Variants in GPR4 observed in about 807,000 individuals in gnomAD.
GPR4 encodes the protein G protein-coupled receptor 4.
Under a neutral mutation model 17.8 loss-of-function variants are expected in GPR4, and 11 were observed. The ratio of observed to expected loss-of-function variants is 0.62; its 90% CI spans 0.39 to 1.02. The LOEUF (loss-of-function observed/expected upper bound fraction) is 1.02. Ranked by LOEUF, GPR4 falls within the 50% of genes least tolerant of loss-of-function variation. The pLI is 0.00. For missense variants in GPR4, 364 were observed against 495.4 expected (o/e 0.73, Z 2.52); for synonymous variants, 219 against 222.8 (o/e 0.98, Z 0.15).
intron 1 of GPR4, among the ~76,000 whole-genome samples, chr19:45,597,914 C>T (rs1970074388): frequency 6.6e-6 from 1 of 152,160 alleles, no homozygotes; most frequent in South Asian, 2.1e-4. Flanking sequence ...GCAGAGCTGC[C>T]TCCCCCACCC....
chr19:45,591,970 T>G lies in GPR4; in HGVS notation c.-104A>C. On this transcript the variant is annotated 5_prime_UTR_variant, in exon 2 of 2. The change abolishes the stop of an existing upstream ORF in the 5' untranslated region. Transcript: ENST00000323040. This position sits in a 1 kb window ranked among gnomAD's most constrained non-coding sequence, Gnocchi z 7.6. Reference sequence around the variant, plus strand: ...CCCCCTGAGCCCCTTCCTTGGAGGCTCAGGGGAACATGGTGGGATGTGGTC... The same window carrying G: ...CCCCCTGAGCCCCTTCCTTGGAGGCGCAGGGGAACATGGTGGGATGTGGTC... 7.9e-7 allele frequency: 1 copy of G among 1,262,480 alleles called. No homozygotes were observed. Among genetic ancestry groups the G allele is most frequent in the Non-Finnish European group, 1.1e-6 (1 of 920,156 alleles). The allele number at this position is 1,262,480 out of a possible 1,614,324, so 78.2% of individuals were successfully genotyped here.
rs117119262 is a variant in GPR4 at position 45,601,228 on chromosome 19, C to T, written c.-832+867G>A. 7.5e-3 allele frequency among the ~76,000 whole-genome samples: 1,140 copies of T among 152,276 alleles called. 6 individuals carry two copies. Among genetic ancestry groups the T allele is most frequent in the Admixed American group, 0.011 (167 of 15,292 alleles). ...TACGCACACACACACATCCCACAAC[C>T]GATGCCTCACAGATATCCTAGAGCT... is the stretch of plus-strand genomic sequence containing the variant. On this transcript the variant is annotated intron_variant, in intron 1 of 1. Coordinates refer to ENST00000323040, the MANE Select transcript of GPR4 (RefSeq NM_005282.3).
intron 1 of GPR4, among the ~76,000 whole-genome samples, chr19:45,593,966 A>T (rs1600020731): frequency 7.0e-6 from 1 of 143,342 alleles, no homozygotes. Context: ...AGCAGCCTCA[A>T]CCTCCTGGGC....
In GPR4 at chr19:45,593,624, T is replaced by A. The variant is rs1970021917; in HGVS notation, c.-831-927A>T. Among the ~76,000 whole-genome samples, 4 of 151,728 alleles carry A rather than the reference T, an allele frequency of 2.6e-5. No homozygotes were observed. The South Asian group carries it at 8.3e-4, about 32-fold the overall frequency. ...AGAATTCCTGTAAAACTGGCACAGG[T>A]ATCATATCATGCTTCAGGAAATGCC... is the stretch of plus-strand genomic sequence containing the variant. On this transcript the variant is annotated intron_variant, in intron 1 of 1. Transcript: ENST00000323040.
chr19:45,601,175 A>G (rs1294583751), intron 1 of GPR4, among the ~76,000 whole-genome samples: 1 of 152,146 alleles, frequency 6.6e-6, no homozygotes, highest in Non-Finnish European at 1.5e-5. Context: ...TGCGCCAAAC[A>G]AATTCCCCAA....
At chr19:45,595,264 G>A (rs1970045103) in intron 1 of GPR4, among the ~76,000 whole-genome samples, 3 of 149,640 alleles carry the variant, frequency 2.0e-5, no homozygotes, top group South Asian at 2.1e-4. Flanking sequence ...CAACAAGAGC[G>A]AACTCCATCT....
rs1969977389 is a variant in GPR4, at chr19:45,590,460, A to G, written c.*318T>C. 2 of 270,884 alleles carry G rather than the reference A, an allele frequency of 7.4e-6. No homozygotes were observed. The highest frequency in any genetic ancestry group is 6.9e-6 in the Non-Finnish European group (1 of 144,900). The allele number at this position is 270,884 out of a possible 1,614,324, so 16.8% of individuals were successfully genotyped here. On this transcript the variant is annotated 3_prime_UTR_variant, in exon 2 of 2. Coordinates refer to ENST00000323040, the MANE Select transcript of GPR4 (RefSeq NM_005282.3). The stretch of plus-strand genomic sequence containing the variant: ...GGCTGATGTGGGAAGATCGCTGGAG[A>G]GCCCAGGAGGTGGAGGCTGCAGTGA...
intron 1 of GPR4, among the ~76,000 whole-genome samples, chr19:45,596,348 G>A (rs1265128956): frequency 6.6e-6 from 1 of 151,930 alleles, no homozygotes; most frequent in Admixed American, 6.6e-5. Context: ...TGGGATTACA[G>A]GCATGCGTCA....
At chr19:45,595,364 G>T (rs1479066650) in intron 1 of GPR4, among the ~76,000 whole-genome samples, 1 of 151,990 alleles carries the variant, frequency 6.6e-6, no homozygotes, top group Non-Finnish European at 1.5e-5. Flanking sequence ...GTGGGGACTG[G>T]GAACCAAAGC....
rs868033662 is a variant in GPR4, at chr19:45,591,890, C to G, written c.-24G>C. Reference sequence around the variant, plus strand: ...ATGGTGGGCACTTCGGCTTCTGGGGCGCTTCCCCTGGCCCACGGGGGCTGT... The same window carrying G: ...ATGGTGGGCACTTCGGCTTCTGGGGGGCTTCCCCTGGCCCACGGGGGCTGT... On this transcript the variant is annotated 5_prime_UTR_variant, in exon 2 of 2. Transcript: ENST00000323040. This position sits in a 1 kb window ranked among gnomAD's most constrained non-coding sequence, Gnocchi z 7.6. 1.3e-6 allele frequency: 2 copies of G among 1,534,590 alleles called. No individual in the cohort carries two copies. The highest frequency in any genetic ancestry group is 2.5e-5 in the South Asian group (2 of 79,262).
In GPR4 at chr19:45,595,320, A is replaced by T. The variant is rs11673493; in HGVS notation, c.-831-2623T>A. 4.5e-3 allele frequency among the ~76,000 whole-genome samples: 268 copies of T among 59,554 alleles called. 3 individuals are homozygous for T. Among genetic ancestry groups the T allele is most frequent in the Middle Eastern group, 9.6e-3 (1 of 104 alleles). The allele number at this position is 59,554 out of a possible 152,430, so 39.1% of individuals were successfully genotyped here. ...ATAAATAAATAAATAAATAAATAAA[A>T]AATAACTGGACAGAAAAGGGCCCTG... On this transcript the variant is annotated intron_variant, in intron 1 of 1. Coordinates refer to ENST00000323040, the MANE Select transcript of GPR4 (RefSeq NM_005282.3).
intron 1 of GPR4, among the ~76,000 whole-genome samples, chr19:45,600,017 G>A (rs1345767508): frequency 1.3e-5 from 2 of 152,014 alleles, no homozygotes; most frequent in East Asian, 1.9e-4. Context: ...CACTAAATAC[G>A]GTGAGCCCCA....
intron 1 of GPR4, among the ~76,000 whole-genome samples, chr19:45,597,434 G>A (rs557754868): frequency 1.6e-3 from 245 of 152,060 alleles, no homozygotes; most frequent in African/African-American, 5.7e-3. Flanking sequence ...TTCAGTCCCC[G>A]ACTCTCCCCT....
At chr19:45,601,596 C>T (rs537159711) in intron 1 of GPR4, among the ~76,000 whole-genome samples, 1 of 152,134 alleles carries the variant, frequency 6.6e-6, no homozygotes, top group Admixed American at 6.5e-5. Context: ...GAAGACAGAG[C>T]TGAAGGTGCC....
Position 45,591,661 on chromosome 19 carries a change from G to A in GPR4, c.206C>T (p.Thr69Met), listed in dbSNP as rs1969997342. 33 of 1,613,934 alleles carry A rather than the reference G, an allele frequency of 2.0e-5. No homozygotes were observed. The highest frequency in any genetic ancestry group is 2.8e-5 in the Non-Finnish European group (33 of 1,179,922). The change falls in exon 2 of 2, where the codon ACG (threonine) becomes ATG (methionine). Residue 69 changes from threonine (T) to methionine (M), a missense_variant. Coordinates refer to ENST00000323040, the MANE Select transcript of GPR4 (RefSeq NM_005282.3). The surrounding 1 kb of genome is among the most constrained non-coding windows in gnomAD (Gnocchi z 7.6). ...GAAGTAGTCCACCCACAGCGGCAGC[G>A]TGCAGATGTACAGCAGGTCGGCGAT... Reference protein sequence around the residue: ...LSIADLLYICTLPLWVDYFLH... With the variant: ...LSIADLLYICMLPLWVDYFLH...
intron 1 of GPR4, among the ~76,000 whole-genome samples, chr19:45,597,297 G>A (rs1020646598): frequency 1.6e-4 from 25 of 152,086 alleles, no homozygotes; most frequent in African/African-American, 6.0e-4. Context: ...TCGAACTCCT[G>A]TTCTCCAGTG....
At chr19:45,597,384 G>C (rs1970068225) in intron 1 of GPR4, among the ~76,000 whole-genome samples, 1 of 152,056 alleles carries the variant, frequency 6.6e-6, no homozygotes, top group South Asian at 2.1e-4. Context: ...AGTCTGAGTA[G>C]CTCCGTTCCC....
In GPR4 at chr19:45,598,343, G is replaced by A. The variant is rs192855260; in HGVS notation, c.-832+3752C>T. 2.1e-3 allele frequency among the ~76,000 whole-genome samples: 314 copies of A among 152,184 alleles called. 1 individual carries two copies. The highest frequency in any genetic ancestry group is 0.02 in the Middle Eastern group (6 of 294). ...TTCTTCATGGCAGGAGACACCCACC[G>A]AGGGCTAGAAGTCCCCTTTGCCCCA... is the stretch of plus-strand genomic sequence containing the variant. On this transcript the variant is annotated intron_variant, in intron 1 of 1. Transcript: ENST00000323040.
At position 45,590,121 on chromosome 19, in the gene GPR4, C is replaced by T. The variant is rs1969973762; in HGVS notation, c.*657G>A. 6.6e-6 allele frequency: 1 copy of T among 152,096 alleles called. No homozygotes were observed. Among genetic ancestry groups the T allele is most frequent in the Admixed American group, 6.6e-5 (1 of 15,254 alleles). The allele number at this position is 152,096 out of a possible 1,614,324, so 9.4% of individuals were successfully genotyped here. A position where few individuals can be genotyped will look rare whatever the true frequency, so the allele number is the denominator to read the frequency against. ...ACCAGGGGCTTTGCAAACATAATGA[C>T]TCTATATCGGCTGCATTTCTCCTTC... On this transcript the variant is annotated 3_prime_UTR_variant, in exon 2 of 2. Coordinates refer to ENST00000323040, the MANE Select transcript of GPR4 (RefSeq NM_005282.3).
Sources: gnomAD v4.1 joint callset for allele counts (sites outside exome capture counted in the v4.1 genomes callset) on GRCh38, gnomAD v4.1.1 for gene constraint, Gnocchi (gnomAD v3.1) non-coding constraint, MANE v1.5 for transcripts, NCBI Gene and HGNC (gene_info 2026-07-23, HGNC 2026-07-21) for gene names.